DCAF6: variants seen among roughly 807,000 people sequenced by gnomAD.
The protein encoded by DCAF6 is DDB1- and CUL4-associated factor 6.
A neutral mutation model predicts 125.1 loss-of-function variants in DCAF6; 54 were observed. The observed-to-expected ratio is 0.43, with a 90% CI of 0.35 to 0.54. DCAF6 has a LOEUF of 0.54. Among genes scored for constraint, DCAF6 ranks in the 20% least tolerant of loss-of-function variants. The pLI is 0.01. For missense variants in DCAF6, 934 were observed against 1,161.7 expected (o/e 0.80, Z 2.85); for synonymous variants, 371 against 390.4 (o/e 0.95, Z 0.58).
the DCAF6 span, among the ~76,000 whole-genome samples, chr1:167,905,399 G>T: frequency 6.6e-6 from 1 of 152,178 alleles, no homozygotes; most frequent in Non-Finnish European, 1.5e-5. Context: ...GCATAAGTGA[G>T]CTCCATTACA....
At chr1:168,035,320 G>C (rs955728072) in intron 12 of DCAF6, among the ~76,000 whole-genome samples, 1 of 152,150 alleles carries the variant, frequency 6.6e-6, no homozygotes, top group African/African-American at 2.4e-5. Context: ...GATGGCATGT[G>C]CCTATAGTCC....
chr1:167,906,270 T>C, the DCAF6 span, among the ~76,000 whole-genome samples: 1 of 151,980 alleles, frequency 6.6e-6, no homozygotes, highest in African/African-American at 2.4e-5. Context: ...AAATGAGTGC[T>C]AAATGTTACA....
At chr1:167,990,929 G>A (rs1680734241) in intron 5 of DCAF6, among the ~76,000 whole-genome samples, 1 of 151,942 alleles carries the variant, frequency 6.6e-6, no homozygotes, top group South Asian at 2.1e-4. Context: ...GGAGTTGTAT[G>A]GCCAACTATA....
the DCAF6 span, among the ~76,000 whole-genome samples, chr1:167,896,916 A>C: frequency 6.6e-6 from 1 of 152,214 alleles, no homozygotes; most frequent in African/African-American, 2.4e-5. Flanking sequence ...ATATGTACAG[A>C]GAGGGTCATT....
intron 7 of DCAF6, among the ~76,000 whole-genome samples, chr1:167,993,950 TA>T (rs201171039): frequency 0.019 from 2,831 of 152,180 alleles, 77 homozygotes; most frequent in African/African-American, 0.064. Context: ...TTACTAATTA[TA>T]ATTAGCAATT....
At chr1:167,912,777 G>A in the DCAF6 span, among the ~76,000 whole-genome samples, 188 of 152,284 alleles carry the variant, frequency 1.2e-3, no homozygotes, top group Middle Eastern at 3.4e-3. Context: ...GAACCTTGGT[G>A]TTCCTCCACT....
chr1:167,998,089 C>T (rs1355600157), intron 7 of DCAF6, among the ~76,000 whole-genome samples: 1 of 152,146 alleles, frequency 6.6e-6, no homozygotes, highest in African/African-American at 2.4e-5. Context: ...GATATACAGG[C>T]TTCTCTTGGA....
the DCAF6 span, among the ~76,000 whole-genome samples, chr1:167,872,513 T>C: frequency 2.0e-5 from 3 of 152,062 alleles, no homozygotes; most frequent in Non-Finnish European, 4.4e-5. Context: ...ATGCACCTTG[T>C]TTCTATCTAA....
Position 168,045,213 on chromosome 1 carries a change from A to G in DCAF6, c.2244A>G (p.Ala748=). The G allele has an allele frequency of 6.2e-7, 1 of 1,603,850 alleles. No homozygotes were observed. ...TGATCCCAGGTGCAAGGTATCGAGC[A>G]GGACCTGGTGATAGGTTGGTAAATT... is the stretch of plus-strand genomic sequence containing the variant. ...PVLIPGARYR[A]GPGDRFNIRG... Residue 748 remains alanine (A), a synonymous_variant, in exon 16 of 22, where the codon GCA becomes GCG. Transcript: ENST00000367840.
At chr1:167,865,645 C>T in the DCAF6 span, among the ~76,000 whole-genome samples, 1 of 152,006 alleles carries the variant, frequency 6.6e-6, no homozygotes, top group African/African-American at 2.4e-5. Context: ...AAAATAGGTC[C>T]TAAAGGAAAC....
intron 17 of DCAF6, chr1:168,056,308 G>C (rs1249874732): frequency 1.2e-6 from 2 of 1,605,554 alleles, no homozygotes; most frequent in Non-Finnish European, 1.7e-6. Flanking sequence ...CGTAGCGTAC[G>C]GACGGCGCCC....
chr1:167,904,328 C>T, the DCAF6 span, among the ~76,000 whole-genome samples: 4 of 152,138 alleles, frequency 2.6e-5, no homozygotes, highest in East Asian at 1.9e-4. Context: ...CCTTGTGATC[C>T]GCCCTCCTCG....
chr1:167,945,102 AC>A (rs1191679789), intron 1 of DCAF6, among the ~76,000 whole-genome samples: 1 of 152,090 alleles, frequency 6.6e-6, no homozygotes, highest in Admixed American at 6.5e-5. Context: ...TATACCAGTA[AC>A]CTGCTGTTCT....
intron 12 of DCAF6, among the ~76,000 whole-genome samples, chr1:168,032,126 T>C (rs1687179429): frequency 6.6e-6 from 1 of 152,246 alleles, no homozygotes; most frequent in Admixed American, 6.5e-5. Flanking sequence ...GAAGAAAATT[T>C]GACTGAATGT....
chr1:167,936,552 G>A (rs1205373684), upstream of DCAF6: 1 of 281,406 alleles, frequency 3.6e-6, no homozygotes, highest in Non-Finnish European at 6.9e-6. Flanking sequence ...TCCCCAGGGT[G>A]GTCGTCATCT....
intron 17 of DCAF6, among the ~76,000 whole-genome samples, chr1:168,058,237 G>A (rs1691141716): frequency 6.6e-6 from 1 of 152,058 alleles, no homozygotes; most frequent in African/African-American, 2.4e-5. Context: ...GGACATTTAG[G>A]TTATTTCTAG....
At chr1:168,039,975 T>C (rs1688319355) in intron 13 of DCAF6, among the ~76,000 whole-genome samples, 1 of 152,006 alleles carries the variant, frequency 6.6e-6, no homozygotes, top group African/African-American at 2.4e-5. Context: ...TTAAAACCCC[T>C]GCCTTATTGG....
the DCAF6 span, among the ~76,000 whole-genome samples, chr1:167,921,591 T>C: frequency 1.3e-5 from 2 of 152,334 alleles, no homozygotes; most frequent in African/African-American, 4.8e-5. Flanking sequence ...TTTTTAACAC[T>C]GTCTCTATTG....
rs572583473 is a variant in DCAF6 at position 168,066,566 on chromosome 1, G to A, written c.2685+101G>A. The A allele has an allele frequency of 1.1e-4, 81 of 759,800 alleles. 1 individual carries two copies. The South Asian group carries it at 1.4e-3, about 13-fold the overall frequency. 47.1% of individuals were successfully genotyped at this position (759,800 alleles called of 1,614,324 possible). On this transcript the variant is annotated intron_variant, in intron 20 of 21. Transcript: ENST00000367840. Reference sequence around the variant, plus strand: ...GTTATTAGTTGCTAACATGAAACAAGTTAATGCAGTTAAGGAGGTCAAATT... The same window carrying A: ...GTTATTAGTTGCTAACATGAAACAAATTAATGCAGTTAAGGAGGTCAAATT...
Sources: allele counts gnomAD v4.1 joint callset (sites outside exome capture counted in the v4.1 genomes callset), GRCh38; gene constraint gnomAD v4.1.1; transcripts MANE v1.5; gene names NCBI Gene and HGNC (gene_info 2026-07-23, HGNC 2026-07-21).